Variants in RNF38 observed in about 807,000 individuals in gnomAD.
RNF38 encodes ring finger protein 38.
In RNF38, 15 loss-of-function variants were observed where a neutral mutation model predicts 67.2. The observed-to-expected ratio is 0.22, with a 90% CI of 0.15 to 0.34. RNF38 has a LOEUF of 0.34. Among genes scored for constraint, RNF38 ranks in the 10% least tolerant of loss-of-function variants. The probability of loss-of-function intolerance (pLI) is 1.00; values close to 1 mark genes in which losing one functional copy is unlikely to be tolerated. For missense variants in RNF38, 524 were observed against 639.9 expected (o/e 0.82, Z 1.95); for synonymous variants, 220 against 218.8 (o/e 1.01, Z -0.05).
rs149188869 is a variant in RNF38 at position 36,365,832 on chromosome 9, A to C, written c.570+3887T>G. Among the ~76,000 whole-genome samples, 415 of 151,534 alleles carry C rather than the reference A, an allele frequency of 2.7e-3. 2 individuals carry two copies. The highest frequency in any genetic ancestry group is 8.8e-3 in the African/African-American group (363 of 41,274). On this transcript the variant is annotated intron_variant, in intron 4 of 11. Transcript: ENST00000259605. ...AGGTGCGCGCCACCATGCCCAGCTA[A>C]TTTTTGTATTTTTAGTAGAGACGGG... is the stretch of plus-strand genomic sequence containing the variant.
chr9:36,400,595 T>C (rs2134151353), upstream of RNF38: 3 of 986,308 alleles, frequency 3.0e-6, no homozygotes, highest in African/African-American at 1.7e-5. Context: ...CTCCCGCGGA[T>C]CCTCGCTGGG....
At chr9:36,354,509 A>T (rs894819883) in intron 6 of RNF38, among the ~76,000 whole-genome samples, 6 of 152,190 alleles carry the variant, frequency 3.9e-5, no homozygotes, top group Non-Finnish European at 7.3e-5. Context: ...TGTAAATGGA[A>T]CCAGTTCATT....
At chr9:36,435,363 C>A (rs898893009) in intron 1 of RNF38, among the ~76,000 whole-genome samples, 1 of 152,104 alleles carries the variant, frequency 6.6e-6, no homozygotes, top group African/African-American at 2.4e-5. Flanking sequence ...AGTTGAAATG[C>A]AAGGCAAACA....
At chr9:36,384,641 G>A (rs1012102269) in intron 2 of RNF38, among the ~76,000 whole-genome samples, 10 of 152,170 alleles carry the variant, frequency 6.6e-5, no homozygotes, top group African/African-American at 1.2e-4. Flanking sequence ...GGAATTTGCC[G>A]TTTGGTATTG....
At chr9:36,415,768 A>G (rs973657465) in intron 2 of RNF38, among the ~76,000 whole-genome samples, 3 of 152,034 alleles carry the variant, frequency 2.0e-5, no homozygotes, top group African/African-American at 4.8e-5. Flanking sequence ...TGTTTAGTGC[A>G]CTGGTTTTCT....
At chr9:36,412,864 G>C (rs1564052827) in intron 2 of RNF38, among the ~76,000 whole-genome samples, 2 of 152,116 alleles carry the variant, frequency 1.3e-5, no homozygotes, top group African/African-American at 4.8e-5. Flanking sequence ...CCTGAGGTCG[G>C]GAGTTCAAGA....
At chr9:36,414,936 C>T (rs183834225) in intron 2 of RNF38, among the ~76,000 whole-genome samples, 1 of 152,282 alleles carries the variant, frequency 6.6e-6, no homozygotes, top group East Asian at 1.9e-4. Flanking sequence ...GTTAATCTGA[C>T]AGGTTTTCCT....
intron 1 of RNF38, among the ~76,000 whole-genome samples, chr9:36,436,566 G>A (rs1054391879): frequency 2.0e-5 from 3 of 152,124 alleles, no homozygotes; most frequent in Non-Finnish European, 4.4e-5. Context: ...GCTCACACCT[G>A]TAATCCCAGC....
chr9:36,478,907 T>C (rs1840186505), intron 1 of RNF38, among the ~76,000 whole-genome samples: 1 of 152,064 alleles, frequency 6.6e-6, no homozygotes, highest in South Asian at 2.1e-4. Context: ...TCAATCATTC[T>C]GGTAACACAA....
chr9:36,406,048 T>C (rs544471476), upstream of RNF38, among the ~76,000 whole-genome samples: 1 of 152,346 alleles, frequency 6.6e-6, no homozygotes, highest in Non-Finnish European at 1.5e-5. Context: ...TACACACTTG[T>C]ATCATAACAC....
At chr9:36,414,903 G>C (rs865979328) in intron 2 of RNF38, among the ~76,000 whole-genome samples, 1 of 152,160 alleles carries the variant, frequency 6.6e-6, no homozygotes, top group African/African-American at 2.4e-5. Context: ...CTAGCTTGCA[G>C]GGTTTCTGCT....
chr9:36,460,480 C>A (rs1294808430), intron 1 of RNF38, among the ~76,000 whole-genome samples: 1 of 152,068 alleles, frequency 6.6e-6, no homozygotes, highest in South Asian at 2.1e-4. Context: ...CAGGGTTGAT[C>A]CAGAAAGTAA....
chr9:36,416,334 G>C (rs1468304379), intron 2 of RNF38, among the ~76,000 whole-genome samples: 1 of 151,994 alleles, frequency 6.6e-6, no homozygotes, highest in African/African-American at 2.4e-5. Context: ...GCAGTGACAG[G>C]CCTCACCGAA....
intron 2 of RNF38, among the ~76,000 whole-genome samples, chr9:36,416,282 C>T (rs967616698): frequency 2.0e-5 from 3 of 151,932 alleles, no homozygotes; most frequent in African/African-American, 7.3e-5. Context: ...ATGGTTGCCT[C>T]TGCTGCTTCA....
At chr9:36,360,624 T>C (rs528789831) in intron 4 of RNF38, among the ~76,000 whole-genome samples, 1 of 152,324 alleles carries the variant, frequency 6.6e-6, no homozygotes, top group South Asian at 2.1e-4. Context: ...GTGTCCAACC[T>C]GAATAAGGTT....
intron 10 of RNF38, among the ~76,000 whole-genome samples, chr9:36,342,711 A>G (rs541976234): frequency 2.0e-5 from 3 of 152,328 alleles, no homozygotes; most frequent in Non-Finnish European, 4.4e-5. Context: ...CCACATACAA[A>G]AGAATAAAGG....
intron 1 of RNF38, among the ~76,000 whole-genome samples, chr9:36,425,661 T>G (rs935927908): frequency 9.9e-5 from 15 of 151,970 alleles, no homozygotes; most frequent in Non-Finnish European, 2.1e-4. Flanking sequence ...ATCATGCCAC[T>G]GCACTCCAGC....
chr9:36,438,386 A>G (rs189067438), intron 1 of RNF38, among the ~76,000 whole-genome samples: 3 of 152,132 alleles, frequency 2.0e-5, no homozygotes, highest in African/African-American at 7.2e-5. Context: ...AAATTCATAA[A>G]CTTTCTTAAA....
intron 2 of RNF38, among the ~76,000 whole-genome samples, chr9:36,387,454 A>G (rs1587580192): frequency 6.6e-6 from 1 of 152,348 alleles, no homozygotes; most frequent in South Asian, 2.1e-4. Flanking sequence ...ACTATCTTCA[A>G]TCACAACCAT....
Sources: allele counts gnomAD v4.1 joint callset (sites outside exome capture counted in the v4.1 genomes callset), GRCh38; gene constraint gnomAD v4.1.1; transcripts MANE v1.5; gene names NCBI Gene and HGNC (gene_info 2026-07-23, HGNC 2026-07-21).